The following MTHFD2L variants were observed in gnomAD, a reference collection of about 807,000 sequenced individuals.
The protein encoded by MTHFD2L is bifunctional methylenetetrahydrofolate dehydrogenase/cyclohydrolase 2, mitochondrial.
Under a neutral mutation model 34.9 loss-of-function variants are expected in MTHFD2L, and 29 were observed. The ratio of observed to expected loss-of-function variants is 0.83; its 90% CI spans 0.62 to 1.13. The LOEUF (loss-of-function observed/expected upper bound fraction) is 1.13. Ranked by LOEUF, MTHFD2L falls within the 50% of genes most tolerant of loss-of-function variation. The probability of loss-of-function intolerance (pLI) is 0.00; values close to 1 mark genes in which losing one functional copy is unlikely to be tolerated. For missense variants in MTHFD2L, 481 were observed against 446.5 expected (o/e 1.08, Z -0.70); for synonymous variants, 167 against 155.7 (o/e 1.07, Z -0.54).
At chr4:74,210,233 C>A (rs1351288578) in intron 5 of MTHFD2L, among the ~76,000 whole-genome samples, 2 of 152,104 alleles carry the variant, frequency 1.3e-5, no homozygotes, top group Non-Finnish European at 2.9e-5. Context: ...GTTGCCATTG[C>A]TTTTGATGTT....
intron 3 of MTHFD2L, among the ~76,000 whole-genome samples, chr4:74,191,507 A>T (rs1434564578): frequency 6.6e-6 from 1 of 152,004 alleles, no homozygotes; most frequent in Non-Finnish European, 1.5e-5. Context: ...TATGATTTTT[A>T]ACATAAGCCA....
At chr4:74,153,349 T>C (rs1380390808), upstream of MTHFD2L, among the ~76,000 whole-genome samples, 1 of 152,218 alleles carries the variant, frequency 6.6e-6, no homozygotes, top group Non-Finnish European at 1.5e-5. Context: ...AGCAATGTCA[T>C]GGACACTACA....
chr4:74,248,693 T>C (rs1742854147), intron 6 of MTHFD2L, among the ~76,000 whole-genome samples: 1 of 149,998 alleles, frequency 6.7e-6, no homozygotes, highest in Non-Finnish European at 1.5e-5. Context: ...TTTGTTCTCA[T>C]TGGTTTCAAA....
chr4:74,115,627 T>C (rs993149485), intron 2 of MTHFD2L, among the ~76,000 whole-genome samples: 1 of 152,210 alleles, frequency 6.6e-6, no homozygotes, highest in Non-Finnish European at 1.5e-5. Context: ...TAATGAAGAG[T>C]GCTTTGCTTT....
At chr4:74,268,298 C>T in intron 6 of MTHFD2L, 1 of 950,464 alleles carries the variant, frequency 1.1e-6, no homozygotes, top group Non-Finnish European at 1.3e-6. Context: ...AGCATACATT[C>T]ACACAAATTC....
chr4:74,215,056 A>G lies in MTHFD2L; in HGVS notation c.713-10246A>G, dbSNP rs541114538. 3.8e-4 allele frequency among the ~76,000 whole-genome samples: 58 copies of G among 151,806 alleles called. 1 individual carries two copies. Among genetic ancestry groups the G allele is most frequent in the Non-Finnish European group, 6.3e-4 (43 of 68,022 alleles). ...GTGGACTGCCCCCCTGCCACCCTGA[A>G]CAAGCTCAAGCATCCCAGGCCGACT... is the stretch of plus-strand genomic sequence containing the variant. On this transcript the variant is annotated intron_variant, in intron 5 of 7. Coordinates refer to ENST00000325278, the MANE Select transcript of MTHFD2L (RefSeq NM_001144978.3).
At chr4:74,233,037 ATTAC>A (rs139834705) in intron 6 of MTHFD2L, among the ~76,000 whole-genome samples, 100,683 of 151,802 alleles carry the variant, frequency 0.66, 34,999 homozygotes, top group Middle Eastern at 0.79. Flanking sequence ...CTTAGTAATT[ATTAC>A]TTATATTCTA....
At chr4:74,278,611 AG>A (rs2110268043) in intron 6 of MTHFD2L, among the ~76,000 whole-genome samples, 1 of 152,172 alleles carries the variant, frequency 6.6e-6, no homozygotes, top group East Asian at 1.9e-4. Context: ...GGTTGTTGGC[AG>A]GGGGCTGATC....
chr4:74,116,441 G>C (rs1721656846), intron 2 of MTHFD2L, among the ~76,000 whole-genome samples: 1 of 151,924 alleles, frequency 6.6e-6, no homozygotes, highest in African/African-American at 2.4e-5. Context: ...GTCAGAGTGA[G>C]AGAAAAAAAA....
chr4:74,116,828 A>G (rs915033985), intron 2 of MTHFD2L, among the ~76,000 whole-genome samples: 3 of 152,224 alleles, frequency 2.0e-5, no homozygotes, highest in African/African-American at 4.8e-5. Context: ...CCTTGACACT[A>G]AAGTGGTAGT....
chr4:74,267,573 C>T (rs1472882600), intron 6 of MTHFD2L: 2 of 287,674 alleles, frequency 7.0e-6, no homozygotes, highest in African/African-American at 2.3e-5. Context: ...CATGCACCAC[C>T]ATGTCCAGCT....
intron 6 of MTHFD2L, among the ~76,000 whole-genome samples, chr4:74,235,825 T>C (rs1363257904): frequency 6.6e-6 from 1 of 152,176 alleles, no homozygotes; most frequent in Non-Finnish European, 1.5e-5. Context: ...CTTTGTTGTT[T>C]CATACCTGTT....
At chr4:74,216,421 A>G (rs1041060787) in intron 5 of MTHFD2L, among the ~76,000 whole-genome samples, 1 of 151,862 alleles carries the variant, frequency 6.6e-6, no homozygotes, top group Non-Finnish European at 1.5e-5. Context: ...ATATTTTAGA[A>G]GGCTCCATGG....
chr4:74,158,954 A>G (rs1224457071), intron 1 of MTHFD2L, among the ~76,000 whole-genome samples: 1 of 152,174 alleles, frequency 6.6e-6, no homozygotes, highest in African/African-American at 2.4e-5. Context: ...ATGAAAATAT[A>G]TCTTCTTGAC....
upstream of MTHFD2L, among the ~76,000 whole-genome samples, chr4:74,120,594 C>T (rs1721737930): frequency 6.6e-6 from 1 of 152,182 alleles, no homozygotes; most frequent in Admixed American, 6.5e-5. Context: ...ACTGTGTCAT[C>T]CGTAGAGAAA....
intron 1 of MTHFD2L, among the ~76,000 whole-genome samples, chr4:74,169,439 T>G (rs1262138111): frequency 6.6e-6 from 1 of 152,218 alleles, no homozygotes; most frequent in Non-Finnish European, 1.5e-5. Context: ...TTAATGTGAG[T>G]GAATCAATAA....
intron 1 of MTHFD2L, among the ~76,000 whole-genome samples, chr4:74,163,263 T>TA (rs937225431): frequency 3.9e-5 from 6 of 152,002 alleles, no homozygotes; most frequent in Admixed American, 2.6e-4. Flanking sequence ...TTAATACTTT[T>TA]AAAAAAAAGC....
chr4:74,229,847 A>C (rs935531228), intron 6 of MTHFD2L, among the ~76,000 whole-genome samples: 1 of 152,192 alleles, frequency 6.6e-6, no homozygotes, highest in Non-Finnish European at 1.5e-5. Context: ...TCACAGAGAG[A>C]GTTAACAAGT....
chr4:74,249,944 G>A (rs1256749640), intron 6 of MTHFD2L, among the ~76,000 whole-genome samples: 1 of 152,088 alleles, frequency 6.6e-6, no homozygotes, highest in African/African-American at 2.4e-5. Flanking sequence ...TGGTGAATAT[G>A]ACAATTATGT....
Sources: allele counts gnomAD v4.1 joint callset (sites outside exome capture counted in the v4.1 genomes callset), GRCh38; gene constraint gnomAD v4.1.1; transcripts MANE v1.5; gene names NCBI Gene and HGNC (gene_info 2026-07-23, HGNC 2026-07-21).